Variants in TRPM6 observed in about 807,000 individuals in gnomAD.
The protein encoded by TRPM6 is transient receptor potential cation channel subfamily M member 6, also known as channel kinase 2.
TRPM6 carries 111 observed loss-of-function variants against 247.6 expected under a neutral mutation model. The observed-to-expected ratio is 0.45, with a 90% CI of 0.38 to 0.52. The LOEUF (loss-of-function observed/expected upper bound fraction) is 0.52. Among genes scored for constraint, TRPM6 ranks in the 20% least tolerant of loss-of-function variants. The pLI is 0.00. For synonymous variants in TRPM6, 892 were observed against 853.8 expected, an observed-to-expected ratio of 1.04 and a Z score of -0.78; for missense variants, 2,126 against 2,421.5, an observed-to-expected ratio of 0.88 and a Z score of 2.56.
intron 1 of TRPM6, among the ~76,000 whole-genome samples, chr9:74,880,742 C>T (rs568099793): frequency 6.6e-6 from 1 of 151,972 alleles, no homozygotes; most frequent in Non-Finnish European, 1.5e-5. Flanking sequence ...TGAAAATACA[C>T]GAAAGTATAA....
intron 11 of TRPM6, among the ~76,000 whole-genome samples, 185 bp downstream of exon 11, chr9:74,816,484 A>C (rs1043606730): frequency 2.6e-5 from 4 of 151,588 alleles, no homozygotes; most frequent in Non-Finnish European, 4.4e-5. Context: ...AAAAAAAAAA[A>C]AAAAACAGAT....
At chr9:74,764,757 A>C (rs1342186960) in intron 25 of TRPM6, among the ~76,000 whole-genome samples, 1 of 152,242 alleles carries the variant, frequency 6.6e-6, no homozygotes, top group Non-Finnish European at 1.5e-5. Flanking sequence ...CAAAGGCTTA[A>C]AACAAAAATA....
intron 33 of TRPM6, among the ~76,000 whole-genome samples, chr9:74,741,357 G>T (rs982036504): frequency 6.6e-6 from 1 of 151,544 alleles, no homozygotes; most frequent in Admixed American, 6.6e-5. Flanking sequence ...ATATGAACAC[G>T]GTACTGGTTT....
chr9:74,819,816 C>G (rs973029526), intron 9 of TRPM6, among the ~76,000 whole-genome samples: 1 of 152,112 alleles, frequency 6.6e-6, no homozygotes, highest in Non-Finnish European at 1.5e-5. Flanking sequence ...GATAACTTTT[C>G]TGGAACATTG....
At position 74,874,696 on chromosome 9, in the gene TRPM6, GTTTTTC is replaced by G. The variant is rs560864923; in HGVS notation, c.33+13122_33+13127del. On this transcript the variant is annotated intron_variant, in intron 1 of 38. Transcript: ENST00000360774. ...AGAGGGATTAAACAAAAGCAAAGCAGTTTTTCTTTTTCTTTTTTTTTAAGAATGTGT... is the reference window on the plus strand; with the variant it reads ...AGAGGGATTAAACAAAAGCAAAGCAGTTTTTCTTTTTTTTTAAGAATGTGT... Among the ~76,000 whole-genome samples the G allele has an allele frequency of 5.6e-3, 845 of 151,626 alleles. 4 individuals are homozygous for G. Among genetic ancestry groups the G allele is most frequent in the Non-Finnish European group, 8.4e-3 (569 of 67,876 alleles).
At chr9:74,811,175 C>T (rs115099069) in intron 12 of TRPM6, among the ~76,000 whole-genome samples, 2,028 of 152,232 alleles carry the variant, frequency 0.013, 49 homozygotes, top group African/African-American at 0.047. Context: ...TCCTATCACA[C>T]GAGCACATTC....
intron 28 of TRPM6, among the ~76,000 whole-genome samples, chr9:74,755,094 TCA>T (rs1826388884): frequency 6.6e-6 from 1 of 152,194 alleles, no homozygotes; most frequent in Non-Finnish European, 1.5e-5. Context: ...ACACTCTGAG[TCA>T]GGTTCAACAG....
Position 74,786,049 on chromosome 9 carries a change from G to C in TRPM6, c.2744C>G (p.Thr915Ser). Residue 915 changes from threonine to serine, a missense_variant, in exon 21 of 39, where the codon ACT becomes AGT. This residue lies in a region of TRPM6 where 1,082 missense variants were observed against 1,307.9 expected (regional missense o/e 0.83). Transcript: ENST00000360774. ...WISEYWNLTE[T>S]VAIGLFSAGF... Reference sequence around the variant, plus strand: ...AGCTGAAAACAGGCCAATGGCCACAGTTTCTGTTAAGTTCCAGTACTCACT... The same window carrying C: ...AGCTGAAAACAGGCCAATGGCCACACTTTCTGTTAAGTTCCAGTACTCACT... 3 of 1,614,198 alleles carry C rather than the reference G, an allele frequency of 1.9e-6. No individual in the cohort carries two copies. Among genetic ancestry groups the C allele is most frequent in the Non-Finnish European group, 2.5e-6 (3 of 1,180,044 alleles).
chr9:74,828,019 C>T lies in TRPM6; in HGVS notation c.670-70G>A, dbSNP rs532943701. 9 of 1,508,042 alleles carry T rather than the reference C, an allele frequency of 6.0e-6. No individual in the cohort carries two copies. In the East Asian group the frequency reaches 1.6e-4, roughly 27 times the overall value. 93.4% of individuals were successfully genotyped at this position (1,508,042 alleles called of 1,614,324 possible). A position where few individuals can be genotyped will look rare whatever the true frequency, so the allele number is the denominator to read the frequency against. On this transcript the variant is annotated intron_variant, in intron 6 of 38. Coordinates refer to ENST00000360774, the MANE Select transcript of TRPM6 (RefSeq NM_017662.5). The stretch of plus-strand genomic sequence containing the variant: ...TCCCCAGGCTCACCTGCTCCAAAGG[C>T]CTATCTTTATGTGCTAAAAGAGTTC...
At chr9:74,822,622 A>C (rs796406049) in intron 7 of TRPM6, among the ~76,000 whole-genome samples, 2 of 152,074 alleles carry the variant, frequency 1.3e-5, no homozygotes, top group Non-Finnish European at 2.9e-5. Flanking sequence ...AGACTTTTGC[A>C]TTGCCATTTA....
chr9:74,865,347 C>A (rs1487549508), intron 1 of TRPM6, among the ~76,000 whole-genome samples: 3 of 152,192 alleles, frequency 2.0e-5, no homozygotes, highest in Non-Finnish European at 2.9e-5. Flanking sequence ...CCTCAGTTGT[C>A]ACTCACGCTT....
At chr9:74,735,136 G>A (rs912197316) in intron 36 of TRPM6, among the ~76,000 whole-genome samples, 2 of 151,838 alleles carry the variant, frequency 1.3e-5, no homozygotes, top group Admixed American at 6.6e-5. Context: ...TAGGAGGATC[G>A]TTAGAGCCCA....
chr9:74,755,619 TC>T (rs1316616730), intron 27 of TRPM6, 146 bp from the exon 28 acceptor site: 24 of 1,006,128 alleles, frequency 2.4e-5, no homozygotes, highest in Non-Finnish European at 3.5e-5. Flanking sequence ...ACAAATCCCA[TC>T]ACTTAGGCTG....
At chr9:74,803,606 G>A (rs1321225343) in intron 15 of TRPM6, among the ~76,000 whole-genome samples, 188 bp downstream of exon 15, 1 of 152,176 alleles carries the variant, frequency 6.6e-6, no homozygotes, top group Non-Finnish European at 1.5e-5. Context: ...CAAGTCCAGA[G>A]AATCACTGTG....
rs184029183 is a variant in TRPM6 at position 74,839,235 on chromosome 9, C to T, written c.544+789G>A. ...ACTTCAGAAGCTCCTGACTAAAAGC[C>T]TCTAATTCATCTGGGGAAGAGCCTG... On this transcript the variant is annotated intron_variant, in intron 5 of 38. Transcript: ENST00000360774. Among the ~76,000 whole-genome samples the T allele has an allele frequency of 4.3e-3, 662 of 152,238 alleles. 2 individuals carry two copies. The highest frequency in any genetic ancestry group is 4.9e-3 in the Non-Finnish European group (336 of 68,024).
rs148069736 is a variant in TRPM6 at position 74,791,798 on chromosome 9, C to G, written c.2538+826G>C. ...TGAGATGGGGTCTCGCTCTGTTGCC[C>G]AGGCTGGAGTGTAGCGGCGCAATCT... On this transcript the variant is annotated intron_variant, in intron 19 of 38. Transcript: ENST00000360774. Among the ~76,000 whole-genome samples the G allele has an allele frequency of 8.3e-3, 1,269 of 152,280 alleles. 20 individuals are homozygous for G. The highest frequency in any genetic ancestry group is 0.027 in the African/African-American group (1,138 of 41,558).
intron 23 of TRPM6, among the ~76,000 whole-genome samples, chr9:74,776,774 T>C (rs1827239069): frequency 1.3e-5 from 2 of 152,202 alleles, no homozygotes; most frequent in African/African-American, 4.8e-5. Flanking sequence ...ACTTTAAGTA[T>C]ATAATATGAT....
chr9:74,815,936 A>T (rs1436087176), intron 11 of TRPM6, among the ~76,000 whole-genome samples: 1 of 152,256 alleles, frequency 6.6e-6, no homozygotes, highest in Non-Finnish European at 1.5e-5. Flanking sequence ...CATTAGCATT[A>T]TGGGTAATCT....
At chr9:74,741,316 C>T (rs73650056) in intron 33 of TRPM6, among the ~76,000 whole-genome samples, 550 of 151,762 alleles carry the variant, frequency 3.6e-3, no homozygotes, top group African/African-American at 0.013. Context: ...TACACCTTTG[C>T]TTCTATATAT....
Sources: allele counts gnomAD v4.1 joint callset (sites outside exome capture counted in the v4.1 genomes callset), GRCh38; gene constraint gnomAD v4.1.1; regional missense constraint gnomAD v4.1.1; transcripts MANE v1.5; gene names NCBI Gene and HGNC (gene_info 2026-07-23, HGNC 2026-07-21).